NQO2: variants seen among roughly 807,000 people sequenced by gnomAD.
NQO2 encodes N-ribosyldihydronicotinamide:quinone dehydrogenase 2, also known as ribosyldihydronicotinamide dehydrogenase [quinone].
A neutral mutation model predicts 22.0 loss-of-function variants in NQO2; 18 were observed. The ratio of observed to expected loss-of-function variants is 0.82; its 90% CI spans 0.56 to 1.21. NQO2 has a LOEUF of 1.21. NQO2 is among the 50% of genes most tolerant of loss of function. NQO2 has a pLI of 0.00. For missense variants in NQO2, 267 were observed against 286.9 expected (o/e 0.93, Z 0.50); for synonymous variants, 106 against 110.8 (o/e 0.96, Z 0.28).
At position 3,011,362 on chromosome 6, in the gene NQO2, G is replaced by GA. The variant is rs1481362974; in HGVS notation, c.173-1176dup. On this transcript the variant is annotated intron_variant, in intron 3 of 6. Transcript: ENST00000380455. ...CAACAGCAGAATGGATGAAGCAGAA[G>GA]AAAAAATCAGTGAACTCAAAGGCAG... Among the ~76,000 whole-genome samples the GA allele has an allele frequency of 4.6e-5, 7 of 152,184 alleles. 1 individual carries two copies. Among genetic ancestry groups the GA allele is most frequent in the South Asian group, 4.1e-4 (2 of 4,820 alleles).
chr6:3,007,923 C>T (rs1348240680), intron 2 of NQO2, among the ~76,000 whole-genome samples: 2 of 152,352 alleles, frequency 1.3e-5, no homozygotes, highest in African/African-American at 2.4e-5. Flanking sequence ...AGACTAATTC[C>T]AGCAGTTCTT....
chr6:3,009,996 A>G lies in NQO2; in HGVS notation c.8-29A>G, dbSNP rs546628607. On this transcript the variant is annotated intron_variant, in intron 2 of 6. Transcript: ENST00000380455. ...ATTTAACAGAGAGAGGTTGTTCTTC[A>G]AGAGGAACTGTTTCTTATCCTGATT... 6 of 1,590,196 alleles carry G rather than the reference A, an allele frequency of 3.8e-6. No individual in the cohort carries two copies. In the East Asian group the frequency reaches 1.3e-4, roughly 36 times the overall value.
chr6:3,012,835 A>G (rs1757183720), intron 4 of NQO2, among the ~76,000 whole-genome samples, 161 bp downstream of exon 4: 1 of 151,938 alleles, frequency 6.6e-6, no homozygotes, highest in African/African-American at 2.4e-5. Context: ...ACACCTAGTT[A>G]CAACATTTCA....
chr6:3,002,260 G>A, intron 1 of NQO2: 1 of 981,848 alleles, frequency 1.0e-6, no homozygotes, highest in Non-Finnish European at 1.2e-6. Context: ...CCCCCAGTCT[G>A]CAGAAACACT....
chr6:3,013,146 C>T lies in NQO2; in HGVS notation c.303+472C>T, dbSNP rs28383631. Among the ~76,000 whole-genome samples, 435 of 151,260 alleles carry T rather than the reference C, an allele frequency of 2.9e-3. 5 individuals carry two copies. In the East Asian group the frequency reaches 0.041, roughly 14 times the overall value. On this transcript the variant is annotated intron_variant, in intron 4 of 6. Transcript: ENST00000380455. Reference sequence around the variant, plus strand: ...AGTTTTTTGTATTTTTAGTAGAGACCGGGTTTCACCGTGTTAGCCAGGATG... The same window carrying T: ...AGTTTTTTGTATTTTTAGTAGAGACTGGGTTTCACCGTGTTAGCCAGGATG...
At chr6:3,009,271 T>C (rs1757064781) in intron 2 of NQO2, among the ~76,000 whole-genome samples, 2 of 152,246 alleles carry the variant, frequency 1.3e-5, no homozygotes, top group African/African-American at 4.8e-5. Context: ...CATTTGCTTT[T>C]GAAAGAAGAG....
In NQO2 at chr6:3,015,144, A is replaced by G. The variant is rs374943966; in HGVS notation, c.304-386A>G. 3.5e-5 allele frequency: 45 copies of G among 1,301,320 alleles called. No individual in the cohort carries two copies. The East Asian group carries it at 9.6e-4, about 28-fold the overall frequency. The allele number at this position is 1,301,320 out of a possible 1,614,324, so 80.6% of individuals were successfully genotyped here. A position where few individuals can be genotyped will look rare whatever the true frequency, so the allele number is the denominator to read the frequency against. On this transcript the variant is annotated intron_variant, in intron 4 of 6. Transcript: ENST00000380455. ...GCACCGAACTCAGTCTGACTTCCAG[A>G]TGCTAACAACACACCCCAGGCAGGC...
At chr6:3,005,648 G>T (rs190925655) in intron 1 of NQO2, 2 of 985,384 alleles carry the variant, frequency 2.0e-6, no homozygotes, top group Admixed American at 1.2e-4. Flanking sequence ...GAGTGGGTTT[G>T]TTGGAGTCTC....
At chr6:3,019,039 G>A (rs1296389366) in intron 6 of NQO2, among the ~76,000 whole-genome samples, 2 of 152,088 alleles carry the variant, frequency 1.3e-5, no homozygotes, top group East Asian at 3.9e-4. Flanking sequence ...TCTTTTACAT[G>A]AATGGTATAT....
intron 2 of NQO2, among the ~76,000 whole-genome samples, chr6:3,009,110 C>T (rs1018845304): frequency 2.0e-5 from 3 of 152,142 alleles, no homozygotes; most frequent in Admixed American, 6.5e-5. Flanking sequence ...GGGAGCGCTA[C>T]GGGAGACTGG....
intron 4 of NQO2, among the ~76,000 whole-genome samples, chr6:3,013,103 C>T (rs1757202523): frequency 6.6e-6 from 1 of 151,608 alleles, no homozygotes; most frequent in Non-Finnish European, 1.5e-5. Context: ...CTACAGGCGC[C>T]CGCCACCACG....
At chr6:3,015,708 T>C in intron 5 of NQO2, 65 bp downstream of exon 5, 1 of 1,425,434 alleles carries the variant, frequency 7.0e-7, no homozygotes, top group Non-Finnish European at 9.8e-7. Flanking sequence ...ATGCGTCTTC[T>C]ATCAAGTTAT....
chr6:3,010,011 T>C lies in NQO2; in HGVS notation c.8-14T>C. ...GTTGTTCTTCAAGAGGAACTGTTTCTTATCCTGATTTAGGTAAGAAAGTAC... is the reference window on the plus strand; with the variant it reads ...GTTGTTCTTCAAGAGGAACTGTTTCCTATCCTGATTTAGGTAAGAAAGTAC... On this transcript the variant is annotated splice_polypyrimidine_tract_variant and intron_variant, in intron 2 of 6. Coordinates refer to ENST00000380455, the MANE Select transcript of NQO2 (RefSeq NM_000904.6). The C allele has an allele frequency of 6.2e-7, 1 of 1,603,128 alleles. No homozygotes were observed. Among genetic ancestry groups the C allele is most frequent in the South Asian group, 1.1e-5 (1 of 89,870 alleles).
intron 1 of NQO2, among the ~76,000 whole-genome samples, chr6:3,001,881 G>A (rs1756741099): frequency 6.6e-6 from 1 of 152,306 alleles, no homozygotes; most frequent in South Asian, 2.1e-4. Flanking sequence ...GGGGTGCCAA[G>A]GGAAGTGCCT....
At chr6:3,017,024 A>C (rs770186052) in intron 6 of NQO2, 39 bp downstream of exon 6, 183 of 1,604,228 alleles carry the variant, frequency 1.1e-4, no homozygotes, top group Non-Finnish European at 1.5e-4. Flanking sequence ...TTGTTGGCAC[A>C]CGCACACACA....
At chr6:3,011,790 G>A (rs774896153) in intron 3 of NQO2, among the ~76,000 whole-genome samples, 27 of 152,250 alleles carry the variant, frequency 1.8e-4, no homozygotes, top group East Asian at 3.9e-4. Flanking sequence ...TCAAAGTGCT[G>A]AAAGAACAAA....
At chr6:3,003,657 C>G in intron 1 of NQO2, 4 of 653,620 alleles carry the variant, frequency 6.1e-6, no homozygotes, top group Non-Finnish European at 5.7e-6. Context: ...CCTTTCCTTC[C>G]TCACTGCCCA....
At chr6:3,003,150 A>G (rs1206384535) in intron 1 of NQO2, among the ~76,000 whole-genome samples, 3 of 152,192 alleles carry the variant, frequency 2.0e-5, no homozygotes, top group Non-Finnish European at 2.9e-5. Context: ...CCAGCTAATG[A>G]TGAAGTCACT....
intron 1 of NQO2, chr6:3,004,181 C>T (rs1756847476): frequency 7.5e-6 from 2 of 267,610 alleles, no homozygotes; most frequent in Non-Finnish European, 1.2e-5. Flanking sequence ...GCTGACACCT[C>T]ACTGGCCATC....
Sources: allele counts gnomAD v4.1 joint callset (sites outside exome capture counted in the v4.1 genomes callset), GRCh38; gene constraint gnomAD v4.1.1; transcripts MANE v1.5; gene names NCBI Gene and HGNC (gene_info 2026-07-23, HGNC 2026-07-21).